Variants in NPFFR2 observed in about 807,000 individuals in gnomAD.
NPFFR2 encodes neuropeptide FF receptor 2, also known as G-protein coupled receptor 74.
NPFFR2 carries 15 observed loss-of-function variants against 13.1 expected under a neutral mutation model. The observed-to-expected ratio is 1.15, with a 90% CI of 0.77 to 1.76. The LOEUF is 1.76. NPFFR2 is among the 40% of genes most tolerant of loss of function. The pLI is 0.00. For synonymous variants in NPFFR2, 190 were observed against 175.7 expected (o/e 1.08, Z -0.65); for missense variants, 572 against 503.5 (o/e 1.14, Z -1.30).
rs1233059179 is a variant in NPFFR2 at position 72,081,870 on chromosome 4, G to A, written c.-7-46715G>A. ...GAGGTTTAGAGTCCAGTGAACAATT[G>A]GAGAGGGAATTTCCTTGAAAAACAT... On this transcript the variant is annotated intron_variant, in intron 1 of 3. Transcript: ENST00000308744. Among the ~76,000 whole-genome samples the A allele has an allele frequency of 9.9e-5, 15 of 152,246 alleles. No homozygotes were observed. The South Asian group carries it at 3.1e-3, about 32-fold the overall frequency.
intron 3 of NPFFR2, among the ~76,000 whole-genome samples, chr4:72,140,057 T>C (rs1338608447): frequency 6.6e-6 from 1 of 152,158 alleles, no homozygotes; most frequent in Admixed American, 6.5e-5. Flanking sequence ...GGCTCTCTGT[T>C]TGTCTGTTAT....
At chr4:72,081,825 C>G (rs1020925755) in intron 1 of NPFFR2, among the ~76,000 whole-genome samples, 17 of 152,078 alleles carry the variant, frequency 1.1e-4, no homozygotes, top group Admixed American at 9.8e-4. Flanking sequence ...TCCAAATAGG[C>G]ACCCCTAAAA....
Position 72,128,846 on chromosome 4 carries a change from A to G in NPFFR2, c.255A>G (p.Leu85=). 1 of 1,614,072 alleles carries G rather than the reference A, an allele frequency of 6.2e-7. No individual in the cohort carries two copies. The highest frequency in any genetic ancestry group is 8.5e-7 in the Non-Finnish European group (1 of 1,179,922). ...ACACAGTCACTAATCTCTTCATCTT[A>G]AACCTGGCCATAAGTGATTTACTAG... ...HMHTVTNLFI[L]NLAISDLLVG... Residue 85 remains leucine, a synonymous_variant, in exon 2 of 4, where the codon TTA becomes TTG. Coordinates refer to ENST00000308744, the MANE Select transcript of NPFFR2 (RefSeq NM_004885.3).
chr4:72,072,944 G>A (rs1364897391), intron 1 of NPFFR2, among the ~76,000 whole-genome samples: 1 of 151,968 alleles, frequency 6.6e-6, no homozygotes, highest in African/African-American at 2.4e-5. Context: ...TAGCAAAATG[G>A]CAGCAGTAGG....
chr4:72,128,765 G>A lies in NPFFR2; in HGVS notation c.174G>A (p.Leu58=). ...TTTCCTACTTTCTGATCTTCTTTTT[G>A]TGCATGATGGGAAATACTGTGGTTT... ...FIISYFLIFF[L]CMMGNTVVCF... is the part of the protein sequence containing the mutation. The change falls in exon 2 of 4, where the codon TTG becomes TTA. Residue 58 remains leucine, a synonymous_variant. Coordinates refer to ENST00000308744, the MANE Select transcript of NPFFR2 (RefSeq NM_004885.3). 1 of 1,614,086 alleles carries A rather than the reference G, an allele frequency of 6.2e-7. No homozygotes were observed. The highest frequency in any genetic ancestry group is 8.5e-7 in the Non-Finnish European group (1 of 1,180,000).
chr4:72,047,699 A>T (rs917823728), intron 1 of NPFFR2, among the ~76,000 whole-genome samples: 3 of 152,196 alleles, frequency 2.0e-5, no homozygotes, highest in African/African-American at 7.2e-5. Context: ...TTCACAGCAG[A>T]AGATCCTAAA....
At chr4:72,142,374 C>G (rs1203558067) in intron 3 of NPFFR2, among the ~76,000 whole-genome samples, 1 of 152,172 alleles carries the variant, frequency 6.6e-6, no homozygotes, top group East Asian at 1.9e-4. Context: ...TTCCCCAACC[C>G]CTTTTGCTTC....
chr4:72,143,442 A>G (rs1233306443), intron 3 of NPFFR2, among the ~76,000 whole-genome samples: 3 of 152,108 alleles, frequency 2.0e-5, no homozygotes, highest in Admixed American at 1.3e-4. Flanking sequence ...TGAGTCAGGG[A>G]AAAAAGGGGG....
intron 1 of NPFFR2, among the ~76,000 whole-genome samples, chr4:72,108,825 A>T (rs904956040): frequency 6.6e-6 from 1 of 151,992 alleles, no homozygotes; most frequent in Non-Finnish European, 1.5e-5. Flanking sequence ...TGATGGAGAC[A>T]CTTAATTGAA....
chr4:72,061,184 G>A (rs1333240360), intron 1 of NPFFR2, among the ~76,000 whole-genome samples: 2 of 152,114 alleles, frequency 1.3e-5, no homozygotes, highest in South Asian at 2.1e-4. Context: ...CAAAGCACCT[G>A]GAGGCTAGTG....
chr4:72,053,768 T>G (rs184221314), intron 1 of NPFFR2, among the ~76,000 whole-genome samples: 2 of 151,944 alleles, frequency 1.3e-5, no homozygotes, highest in Admixed American at 6.6e-5. Context: ...CTGTATGTCT[T>G]TTATATTTTT....
In NPFFR2 at chr4:72,070,337, T is replaced by G. The variant is rs75539636; in HGVS notation, c.-8+38137T>G. Among the ~76,000 whole-genome samples the G allele has an allele frequency of 8.6e-3, 1,308 of 152,302 alleles. 26 individuals are homozygous for G. Among genetic ancestry groups the G allele is most frequent in the African/African-American group, 0.03 (1,251 of 41,570 alleles). ...CACTTCACTTCTAGGTTTGACAATA[T>G]TTATTTGTGAATAAGCATTCCAATA... On this transcript the variant is annotated intron_variant, in intron 1 of 3. Coordinates refer to ENST00000308744, the MANE Select transcript of NPFFR2 (RefSeq NM_004885.3).
At chr4:72,073,622 T>A (rs1004935524) in intron 1 of NPFFR2, among the ~76,000 whole-genome samples, 1 of 152,080 alleles carries the variant, frequency 6.6e-6, no homozygotes, top group Non-Finnish European at 1.5e-5. Context: ...TAACTTTAGT[T>A]TGTAAATTAA....
At chr4:72,052,317 C>A (rs1486315648) in intron 1 of NPFFR2, among the ~76,000 whole-genome samples, 4 of 123,816 alleles carry the variant, frequency 3.2e-5, no homozygotes, top group Non-Finnish European at 5.2e-5. Flanking sequence ...GGGCTTCATC[C>A]CTGGGATGCA....
intron 2 of NPFFR2, among the ~76,000 whole-genome samples, chr4:72,132,406 T>C (rs1290399933): frequency 6.6e-6 from 1 of 152,192 alleles, no homozygotes; most frequent in Non-Finnish European, 1.5e-5. Flanking sequence ...CATTGATGGG[T>C]ATTTAGATTG....
intron 2 of NPFFR2, among the ~76,000 whole-genome samples, chr4:72,132,119 A>C (rs2109837812): frequency 6.7e-6 from 1 of 149,556 alleles, no homozygotes; most frequent in South Asian, 2.1e-4. Context: ...TATTAAGCCT[A>C]GTACCCATTG....
chr4:72,039,543 A>G, intron 1 of NPFFR2: 1 of 266,698 alleles, frequency 3.7e-6, no homozygotes. Flanking sequence ...TTTCTAACTC[A>G]TGATGACCTT....
intron 1 of NPFFR2, among the ~76,000 whole-genome samples, chr4:72,049,071 C>T (rs1719467556): frequency 6.6e-6 from 1 of 151,924 alleles, no homozygotes; most frequent in African/African-American, 2.4e-5. Context: ...TTGAACCTAC[C>T]TTTTAACAGA....
intron 1 of NPFFR2, among the ~76,000 whole-genome samples, chr4:72,053,727 A>G (rs1241307984): frequency 6.6e-6 from 1 of 151,902 alleles, no homozygotes; most frequent in Non-Finnish European, 1.5e-5. Context: ...CATTATGCCA[A>G]TAAAGACAGT....
Sources: allele counts gnomAD v4.1 joint callset (sites outside exome capture counted in the v4.1 genomes callset), GRCh38; gene constraint gnomAD v4.1.1; transcripts MANE v1.5; gene names NCBI Gene and HGNC (gene_info 2026-07-23, HGNC 2026-07-21).